HS6ST3: variants seen among roughly 807,000 people sequenced by gnomAD.
The protein encoded by HS6ST3 is heparan-sulfate 6-O-sulfotransferase 3.
A neutral mutation model predicts 36.7 loss-of-function variants in HS6ST3; 12 were observed. The observed-to-expected ratio is 0.33, with a 90% CI of 0.21 to 0.53. HS6ST3 has a LOEUF of 0.53. Among genes scored for constraint, HS6ST3 ranks in the 20% least tolerant of loss-of-function variants. The pLI, the probability that HS6ST3 is intolerant of heterozygous loss-of-function variation, is 0.95. For synonymous variants in HS6ST3, 240 were observed against 257.5 expected (o/e 0.93, Z 0.65); for missense variants, 584 against 640.9 (o/e 0.91, Z 0.96).
At chr13:96,600,329 TACACACAC>T (rs34142366) in intron 1 of HS6ST3, among the ~76,000 whole-genome samples, 5 of 145,976 alleles carry the variant, frequency 3.4e-5, no homozygotes, top group South Asian at 2.2e-4. Context: ...TGGAGTTAGG[TACACACAC>T]ACACACACAC....
chr13:96,474,220 T>C (rs184277869), intron 1 of HS6ST3, among the ~76,000 whole-genome samples: 472 of 152,302 alleles, frequency 3.1e-3, no homozygotes, highest in Non-Finnish European at 5.7e-3. Context: ...TTAAGCACAG[T>C]ACTGAGAGTG....
At chr13:96,761,981 TAC>T (rs1876981319) in intron 1 of HS6ST3, among the ~76,000 whole-genome samples, 1 of 152,104 alleles carries the variant, frequency 6.6e-6, no homozygotes, top group Non-Finnish European at 1.5e-5. Context: ...TTATGGTATA[TAC>T]ACACATTGTT....
chr13:96,718,579 T>G (rs946571194), intron 1 of HS6ST3, among the ~76,000 whole-genome samples: 31 of 152,132 alleles, frequency 2.0e-4, no homozygotes, highest in Non-Finnish European at 4.3e-4. Flanking sequence ...TGATTGACTA[T>G]AAAAAATAAA....
chr13:96,665,013 A>T (rs1179005822), intron 1 of HS6ST3, among the ~76,000 whole-genome samples: 5 of 152,112 alleles, frequency 3.3e-5, no homozygotes, highest in African/African-American at 9.7e-5. Flanking sequence ...CTCTACAAAA[A>T]ATACAAAAAT....
intron 1 of HS6ST3, among the ~76,000 whole-genome samples, chr13:96,487,408 A>T (rs2055920728): frequency 6.6e-6 from 1 of 152,070 alleles, no homozygotes; most frequent in South Asian, 2.1e-4. Context: ...TAGAGGATTT[A>T]TAGGTAATGG....
chr13:96,283,019 G>GTAAAA (rs2054783232), intron 1 of HS6ST3, among the ~76,000 whole-genome samples: 1 of 152,196 alleles, frequency 6.6e-6, no homozygotes, highest in East Asian at 1.9e-4. Context: ...TCCCTGATGA[G>GTAAAA]TAACCTGGCT....
At chr13:96,779,769 T>TA (rs35417653) in intron 1 of HS6ST3, among the ~76,000 whole-genome samples, 52,268 of 141,026 alleles carry the variant, frequency 0.37, 9,378 homozygotes, top group Admixed American at 0.45. Flanking sequence ...TATATTTACT[T>TA]AAAAAAAAAA....
chr13:96,635,570 C>T (rs1208721826), intron 1 of HS6ST3, among the ~76,000 whole-genome samples: 1 of 152,168 alleles, frequency 6.6e-6, no homozygotes, highest in African/African-American at 2.4e-5. Flanking sequence ...TTCCCTTTAG[C>T]ACCTTGGGCA....
chr13:96,606,553 T>C (rs892383744), intron 1 of HS6ST3, among the ~76,000 whole-genome samples: 3 of 144,030 alleles, frequency 2.1e-5, no homozygotes, highest in Non-Finnish European at 4.5e-5. Flanking sequence ...TTGGGAGCAA[T>C]AGATACTAGA....
chr13:96,659,132 C>A (rs1251538596), intron 1 of HS6ST3, among the ~76,000 whole-genome samples: 1 of 152,174 alleles, frequency 6.6e-6, no homozygotes, highest in Non-Finnish European at 1.5e-5. Flanking sequence ...TTTATTCTTC[C>A]TTTAGCAAGA....
intron 1 of HS6ST3, among the ~76,000 whole-genome samples, chr13:96,143,393 T>C (rs1158403955): frequency 6.7e-6 from 1 of 148,730 alleles, no homozygotes; most frequent in African/African-American, 2.4e-5. Context: ...ATAAACATAA[T>C]ATACTAATAT....
intron 1 of HS6ST3, among the ~76,000 whole-genome samples, chr13:96,222,789 T>C (rs1334314964): frequency 2.4e-4 from 36 of 152,244 alleles, no homozygotes; most frequent in Admixed American, 2.4e-3. Context: ...ATTTCCATCC[T>C]TCTCCACTTG....
At chr13:96,153,696 A>G (rs950458396) in intron 1 of HS6ST3, among the ~76,000 whole-genome samples, 7 of 152,224 alleles carry the variant, frequency 4.6e-5, no homozygotes, top group Non-Finnish European at 8.8e-5. Flanking sequence ...TATTAAAACT[A>G]CCAGTATGAA....
chr13:96,148,178 A>G (rs1035369285), intron 1 of HS6ST3, among the ~76,000 whole-genome samples: 38 of 152,226 alleles, frequency 2.5e-4, no homozygotes, highest in Non-Finnish European at 1.0e-4. Context: ...AACATACCAT[A>G]GCAACTTAAC....
chr13:96,436,416 T>TGTACACA, intron 1 of HS6ST3, among the ~76,000 whole-genome samples: 1 of 152,350 alleles, frequency 6.6e-6, no homozygotes, highest in Middle Eastern at 3.4e-3. Context: ...TTCACAGTAC[T>TGTACACA]GTACACAGTT....
chr13:96,362,228 G>T (rs2055242112), intron 1 of HS6ST3, among the ~76,000 whole-genome samples: 1 of 152,000 alleles, frequency 6.6e-6, no homozygotes, highest in South Asian at 2.1e-4. Context: ...GTATGATTTT[G>T]TTTTCTAAAA....
At chr13:96,279,488 T>C (rs1484633049) in intron 1 of HS6ST3, among the ~76,000 whole-genome samples, 3 of 151,996 alleles carry the variant, frequency 2.0e-5, no homozygotes, top group African/African-American at 7.2e-5. Context: ...AGTTTCAGAG[T>C]GTTAGAAGCA....
chr13:96,426,256 C>T (rs565415864), intron 1 of HS6ST3, among the ~76,000 whole-genome samples: 1 of 152,010 alleles, frequency 6.6e-6, no homozygotes, highest in African/African-American at 2.4e-5. Context: ...TTATATTGTT[C>T]GCACTGCCTC....
chr13:96,219,129 C>CCA (rs142287357), intron 1 of HS6ST3, among the ~76,000 whole-genome samples: 7,968 of 152,174 alleles, frequency 0.052, 366 homozygotes, highest in African/African-American at 0.13. Context: ...GTTTCCAGAG[C>CCA]CACACTAACT....
Sources: allele counts gnomAD v4.1 joint callset (sites outside exome capture counted in the v4.1 genomes callset), GRCh38; gene constraint gnomAD v4.1.1; transcripts MANE v1.5; gene names NCBI Gene and HGNC (gene_info 2026-07-23, HGNC 2026-07-21).